PCDHGA7: variants seen among roughly 807,000 people sequenced by gnomAD.
The protein encoded by PCDHGA7 is protocadherin gamma subfamily A, 7.
Under a neutral mutation model 58.3 loss-of-function variants are expected in PCDHGA7, and 44 were observed. The ratio of observed to expected loss-of-function variants is 0.75; its 90% confidence interval spans 0.59 to 0.97. PCDHGA7 has a LOEUF of 0.97. Ranked by LOEUF, PCDHGA7 falls within the 50% of genes least tolerant of loss-of-function variation. The pLI, the probability that PCDHGA7 is intolerant of heterozygous loss-of-function variation, is 0.00. For synonymous variants in PCDHGA7, 516 were observed against 504.2 expected, an observed-to-expected ratio of 1.02 and a Z score of -0.31; for missense variants, 1,266 against 1,188.7, an observed-to-expected ratio of 1.06 and a Z score of -0.96.
At chr5:141,435,058 A>G (rs1161891073) in intron 1 of PCDHGA7, among the ~76,000 whole-genome samples, 3 of 152,234 alleles carry the variant, frequency 2.0e-5, no homozygotes, top group East Asian at 3.9e-4. Flanking sequence ...ACCATGCAGC[A>G]GTTTTGTGTA....
intron 1 of PCDHGA7, chr5:141,392,432 T>C (rs2092535052): frequency 6.2e-6 from 1 of 160,182 alleles, no homozygotes; most frequent in African/African-American, 2.4e-5. Flanking sequence ...ATTCTTTGGC[T>C]GTTTCTTTTA....
At chr5:141,505,650 T>C (rs1595974645) in intron 3 of PCDHGA7, among the ~76,000 whole-genome samples, 169 bp downstream of exon 3, 1 of 152,094 alleles carries the variant, frequency 6.6e-6, no homozygotes, top group East Asian at 1.9e-4. Flanking sequence ...GAATTGTGGC[T>C]AAGGAACAGC....
intron 1 of PCDHGA7, chr5:141,390,735 C>T (rs1453703867): frequency 5.3e-6 from 1 of 189,140 alleles, no homozygotes; most frequent in Non-Finnish European, 1.1e-5. Context: ...CTGGTATGGT[C>T]TCCATAGTAG....
chr5:141,490,948 G>T lies in PCDHGA7; in HGVS notation c.2425-3859G>T. 1 of 1,613,756 alleles carries T rather than the reference G, an allele frequency of 6.2e-7. No homozygotes were observed. The highest frequency in any genetic ancestry group is 8.5e-7 in the Non-Finnish European group (1 of 1,179,810). On this transcript the variant is annotated intron_variant, in intron 1 of 3. Coordinates refer to ENST00000518325, the MANE Select transcript of PCDHGA7 (RefSeq NM_018920.4). The surrounding 1 kb of genome is among the most constrained non-coding windows in gnomAD (Gnocchi z 5.4). The stretch of plus-strand genomic sequence containing the variant: ...CCCAGCTGTGCTGCACCCACGGCCA[G>T]ACTGGGAACACTCAGCCCCCCAGCG...
At position 141,432,579 on chromosome 5, in the gene PCDHGA7, G is replaced by A. The variant is rs769224543; in HGVS notation, c.2424+47256G>A. 6.2e-7 allele frequency: 1 copy of A among 1,613,860 alleles called. No homozygotes were observed. Among genetic ancestry groups the A allele is most frequent in the Non-Finnish European group, 8.5e-7 (1 of 1,179,984 alleles). On this transcript the variant is annotated intron_variant, in intron 1 of 3. Transcript: ENST00000518325. The surrounding 1 kb of genome is among the most constrained non-coding windows in gnomAD (Gnocchi z 6.0). ...GGCCAGAACGCCTGGCTGTCCTACC[G>A]TCTGCTCAAGGCCAGCGAGCCGGGA...
At chr5:141,478,891 A>G (rs1045274228) in intron 1 of PCDHGA7, 10 of 1,122,064 alleles carry the variant, frequency 8.9e-6, no homozygotes, top group Admixed American at 3.1e-5. Context: ...TATCATTTAC[A>G]TTAGGAATAA....
chr5:141,482,752 T>C (rs1361016909), intron 1 of PCDHGA7, among the ~76,000 whole-genome samples: 1 of 127,096 alleles, frequency 7.9e-6, no homozygotes, highest in Non-Finnish European at 1.6e-5. Context: ...AGAGGGATTA[T>C]GGTATTTCAT....
intron 1 of PCDHGA7, chr5:141,407,996 T>G: frequency 1.1e-6 from 1 of 872,310 alleles, no homozygotes; most frequent in Middle Eastern, 3.6e-4. Flanking sequence ...GCCTCTGGCC[T>G]GGGATTCCCT....
chr5:141,492,111 C>T (rs2154587044), intron 1 of PCDHGA7, among the ~76,000 whole-genome samples: 1 of 152,320 alleles, frequency 6.6e-6, no homozygotes, highest in South Asian at 2.1e-4. Context: ...ATTTCCTCTT[C>T]GATTTCTCCC....
intron 1 of PCDHGA7, chr5:141,468,667 CCATCCTGGCTAA>C (rs2099172391): frequency 6.7e-6 from 1 of 149,836 alleles, no homozygotes; most frequent in African/African-American, 2.5e-5. Flanking sequence ...GAGATCAAGA[CCATCCTGGCTAA>C]CACGGTGAAA....
Position 141,491,730 on chromosome 5 carries a change from C to A in PCDHGA7, c.2425-3077C>A, listed in dbSNP as rs1346666614. ...GGGGCTCGGCGCCGCCCCGGGCGAC[C>A]CCTGGGGGCGGCACTGGAGAAGCCG... On this transcript the variant is annotated intron_variant, in intron 1 of 3. Coordinates refer to ENST00000518325, the MANE Select transcript of PCDHGA7 (RefSeq NM_018920.4). This position sits in a 1 kb window ranked among gnomAD's most constrained non-coding sequence, Gnocchi z 6.9. 3.1e-6 allele frequency: 5 copies of A among 1,603,920 alleles called. No individual in the cohort carries two copies. The East Asian group carries it at 6.7e-5, about 22-fold the overall frequency.
intron 2 of PCDHGA7, among the ~76,000 whole-genome samples, chr5:141,496,410 A>G (rs77823969): frequency 0.019 from 2,839 of 152,308 alleles, 40 homozygotes; most frequent in Middle Eastern, 0.082. Context: ...ATGGTTGAGT[A>G]CTTGCTGTCC....
intron 1 of PCDHGA7, among the ~76,000 whole-genome samples, chr5:141,451,284 G>C (rs950768919): frequency 2.6e-5 from 4 of 152,186 alleles, no homozygotes; most frequent in African/African-American, 9.7e-5. Flanking sequence ...GAGTGCCTCT[G>C]CCTCAAAGTC....
chr5:141,472,928 G>A (rs926768431), intron 1 of PCDHGA7, among the ~76,000 whole-genome samples: 13 of 150,136 alleles, frequency 8.7e-5, no homozygotes, highest in Admixed American at 2.7e-4. Flanking sequence ...GGAGGTTGTG[G>A]TGAGCCAAGA....
intron 1 of PCDHGA7, chr5:141,390,549 T>A (rs1258668887): frequency 2.1e-6 from 1 of 482,262 alleles, no homozygotes; most frequent in Non-Finnish European, 3.7e-6. Context: ...AAAGTGAAAG[T>A]GTTAGACAGT....
At chr5:141,413,605 G>A in intron 1 of PCDHGA7, 1 of 1,613,854 alleles carries the variant, frequency 6.2e-7, no homozygotes, top group Non-Finnish European at 8.5e-7. Flanking sequence ...AAATCTAGAC[G>A]TAAAAATTAA....
intron 3 of PCDHGA7, among the ~76,000 whole-genome samples, chr5:141,510,204 C>T (rs1403130911): frequency 1.3e-5 from 2 of 150,304 alleles, no homozygotes; most frequent in Admixed American, 1.3e-4. Flanking sequence ...GCCCAGGAGG[C>T]AGAGGTTGCA....
At chr5:141,484,872 G>T in intron 1 of PCDHGA7, 1 of 319,608 alleles carries the variant, frequency 3.1e-6, no homozygotes, top group Non-Finnish European at 5.8e-6. Context: ...GGAGCGTGGA[G>T]GATAGGGTGG....
At chr5:141,456,897 A>G (rs1351271896) in intron 1 of PCDHGA7, among the ~76,000 whole-genome samples, 2 of 152,178 alleles carry the variant, frequency 1.3e-5, no homozygotes, top group Admixed American at 1.3e-4. Context: ...CGGGAGGCAG[A>G]GGTTGCAGTG....
Sources: gnomAD v4.1 joint callset for allele counts (sites outside exome capture counted in the v4.1 genomes callset) on GRCh38, gnomAD v4.1.1 for gene constraint, Gnocchi (gnomAD v3.1) non-coding constraint, MANE v1.5 for transcripts, NCBI Gene and HGNC (gene_info 2026-07-23, HGNC 2026-07-21) for gene names.